The following DENND3 variants were observed in gnomAD, a reference collection of about 807,000 sequenced individuals.
DENND3 encodes DENN domain containing 3.
Under a neutral mutation model 135.1 loss-of-function variants are expected in DENND3, and 88 were observed. That is an observed-to-expected ratio of 0.65 (90% CI 0.55 to 0.78). The LOEUF (loss-of-function observed/expected upper bound fraction) is 0.78, where lower values mean the gene tolerates loss of function less well. Ranked by LOEUF, DENND3 falls within the 30% of genes least tolerant of loss-of-function variation. DENND3 has a pLI of 0.00. For missense variants in DENND3, 1,392 were observed against 1,688.4 expected, an observed-to-expected ratio of 0.82 and a Z score of 3.08; for synonymous variants, 693 against 712.3, an observed-to-expected ratio of 0.97 and a Z score of 0.43.
At chr8:141,133,302 A>G (rs1292687900) in intron 1 of DENND3, among the ~76,000 whole-genome samples, 1 of 138,492 alleles carries the variant, frequency 7.2e-6, no homozygotes, top group East Asian at 2.4e-4. Context: ...CCTGCTGCTC[A>G]GGGGTGCACT....
intron 1 of DENND3, among the ~76,000 whole-genome samples, chr8:141,135,026 A>T (rs1816621433): frequency 6.6e-6 from 1 of 151,970 alleles, no homozygotes; most frequent in Non-Finnish European, 1.5e-5. Flanking sequence ...TTTTTAGTAG[A>T]GACGGGGTTT....
At chr8:141,147,896 G>A (rs1323051678) in intron 5 of DENND3, among the ~76,000 whole-genome samples, 5 of 152,196 alleles carry the variant, frequency 3.3e-5, no homozygotes, top group Non-Finnish European at 7.3e-5. Flanking sequence ...TCTGCGTCCC[G>A]TGCGTGTGTC....
In DENND3 at chr8:141,194,231, TA is replaced by T; in HGVS notation, c.*1del. ...GAAAGTCGCCATTTGGAAAGGCGAATAAACGTGGCTGAGTCTGCCAAGTGGA... is the reference window on the plus strand; with the variant it reads ...GAAAGTCGCCATTTGGAAAGGCGAATAACGTGGCTGAGTCTGCCAAGTGGA... ...EGKVAIWKGE[*>X] On this transcript the variant is annotated frameshift_variant and stop_lost, in exon 23 of 23. Transcript: ENST00000519811. LOFTEE classifies it high-confidence loss of function. The T allele has an allele frequency of 1.2e-6, 2 of 1,611,626 alleles. No individual in the cohort carries two copies. Among genetic ancestry groups the T allele is most frequent in the Admixed American group, 1.7e-5 (1 of 59,826 alleles).
chr8:141,131,175 G>A (rs1406442024), intron 1 of DENND3, among the ~76,000 whole-genome samples: 3 of 152,016 alleles, frequency 2.0e-5, no homozygotes, highest in African/African-American at 4.8e-5. Flanking sequence ...TAGGAATGGT[G>A]ACCGAGACTT....
chr8:141,189,715 G>A (rs537506240), intron 19 of DENND3, among the ~76,000 whole-genome samples: 9 of 152,332 alleles, frequency 5.9e-5, no homozygotes, highest in South Asian at 2.1e-4. Context: ...CTGACTTAGT[G>A]TCGGGGGCGC....
In DENND3 at chr8:141,168,324, G is replaced by A; in HGVS notation, c.2074G>A (p.Glu692Lys). ...SMSAPEWEGAEQAPELMRLIS... is the reference protein window; with the variant it reads ...SMSAPEWEGAKQAPELMRLIS... ...GTCTGCCCCTGAGTGGGAGGGGGCT[G>A]AGCAGGCGCCGGAGCTGATGAGGCT... Residue 692 changes from glutamate to lysine, a missense_variant, in exon 13 of 23, where the codon GAG becomes AAG. Transcript: ENST00000519811. This position sits in a 1 kb window ranked among gnomAD's most constrained non-coding sequence, Gnocchi z 6.2. 1 of 1,614,036 alleles carries A rather than the reference G, an allele frequency of 6.2e-7. No individual in the cohort carries two copies. The highest frequency in any genetic ancestry group is 8.5e-7 in the Non-Finnish European group (1 of 1,180,020).
At chr8:141,171,865 G>A (rs756183541) in intron 13 of DENND3, among the ~76,000 whole-genome samples, 3 of 149,802 alleles carry the variant, frequency 2.0e-5, no homozygotes, top group Admixed American at 6.6e-5. Flanking sequence ...AGATGTGCAC[G>A]CTGTTGGTGT....
intron 16 of DENND3, among the ~76,000 whole-genome samples, chr8:141,180,162 T>C (rs186552303): frequency 7.9e-5 from 12 of 152,340 alleles, no homozygotes; most frequent in Admixed American, 7.2e-4. Flanking sequence ...GAGAGGCATT[T>C]TGACAGCACC....
At chr8:141,176,292 AAAAAAAAAC>A in intron 14 of DENND3, 1 of 176,222 alleles carries the variant, frequency 5.7e-6, no homozygotes, top group African/African-American at 4.4e-5. Flanking sequence ...CAAAACAAAA[AAAAAAAAAC>A]AAAAAGAGGG....
At chr8:141,192,870 T>C (rs996710112) in intron 22 of DENND3, 2 of 1,519,868 alleles carry the variant, frequency 1.3e-6, no homozygotes, top group Non-Finnish European at 1.8e-6. Flanking sequence ...GTCCAAGCAC[T>C]CCACAGCGCA....
chr8:141,174,150 T>C lies in DENND3; in HGVS notation c.2276-1050T>C, dbSNP rs1286486890. 6.6e-6 allele frequency among the ~76,000 whole-genome samples: 1 copy of C among 152,088 alleles called. No homozygotes were observed. The highest frequency in any genetic ancestry group is 1.5e-5 in the Non-Finnish European group (1 of 68,018). On this transcript the variant is annotated intron_variant, in intron 13 of 22. Transcript: ENST00000519811. The surrounding 1 kb of genome is among the most constrained non-coding windows in gnomAD (Gnocchi z 4.6). ...TAACAACACGACCTGTTTGGGAGCA[T>C]GCTTGGTACGGCTGGGCTGTGGGGT...
At chr8:141,176,886 G>A in intron 15 of DENND3, 125 bp downstream of exon 15, 1 of 1,104,058 alleles carries the variant, frequency 9.1e-7, no homozygotes, top group Admixed American at 2.5e-5. Flanking sequence ...CTTAAGCAGA[G>A]TAAGTTTGTC....
intron 4 of DENND3, chr8:141,142,225 G>A (rs1285790994): frequency 5.3e-6 from 2 of 376,956 alleles, no homozygotes; most frequent in East Asian, 7.7e-5. Flanking sequence ...GTCCCAGTGG[G>A]CACTTGTGCA....
chr8:141,149,383 G>T (rs1350253180), intron 5 of DENND3, among the ~76,000 whole-genome samples: 1 of 152,214 alleles, frequency 6.6e-6, no homozygotes, highest in African/African-American at 2.4e-5. Flanking sequence ...GCAGACAAGA[G>T]TTAAGTTCCT....
At chr8:141,185,478 A>T in intron 18 of DENND3, 200 bp downstream of exon 18, 1 of 615,250 alleles carries the variant, frequency 1.6e-6, no homozygotes, top group Non-Finnish European at 2.7e-6. Flanking sequence ...ACACGTCCTT[A>T]TTGAAGGAGA....
In DENND3 at chr8:141,165,818, C is replaced by T. The variant is rs185927934; in HGVS notation, c.1554-372C>T. ...ACGTGCCCGATGTTAGCATGCTCCC[C>T]GTGGTTTGTGGCCCTTGCGTCTTCC... is the stretch of plus-strand genomic sequence containing the variant. On this transcript the variant is annotated intron_variant, in intron 11 of 22. Transcript: ENST00000519811. 2.4e-4 allele frequency among the ~76,000 whole-genome samples: 36 copies of T among 152,244 alleles called. No individual in the cohort carries two copies. In the East Asian group the frequency reaches 5.6e-3, roughly 24 times the overall value.
chr8:141,158,008 C>G, intron 8 of DENND3: 2 of 1,134,414 alleles, frequency 1.8e-6, no homozygotes, highest in South Asian at 1.8e-5. Context: ...GATCCACCTG[C>G]CTGGGCCTCC....
chr8:141,170,633 G>C (rs1389284790), intron 13 of DENND3, among the ~76,000 whole-genome samples: 1 of 152,236 alleles, frequency 6.6e-6, no homozygotes, highest in African/African-American at 2.4e-5. Context: ...GGGACGCTGA[G>C]ATGCTGCACC....
chr8:141,136,834 G>A (rs1389234021), intron 2 of DENND3, 43 bp downstream of exon 2: 85 of 1,494,172 alleles, frequency 5.7e-5, no homozygotes, highest in Non-Finnish European at 7.6e-5. Flanking sequence ...TCCTGCTGCC[G>A]GCCACCCAGA....
Sources: allele counts gnomAD v4.1 joint callset (sites outside exome capture counted in the v4.1 genomes callset), GRCh38; gene constraint gnomAD v4.1.1; non-coding constraint Gnocchi (gnomAD v3.1); transcripts MANE v1.5; gene names NCBI Gene and HGNC (gene_info 2026-07-23, HGNC 2026-07-21).